Variants in TMEM38B observed in about 807,000 individuals in gnomAD.
TMEM38B encodes the protein transmembrane protein 38B.
Under a neutral mutation model 28.7 loss-of-function variants are expected in TMEM38B, and 24 were observed. That is an observed-to-expected ratio of 0.84 (90% CI 0.61 to 1.18). The LOEUF is 1.18. Among genes scored for constraint, TMEM38B ranks in the 50% most tolerant of loss-of-function variants. TMEM38B has a pLI of 0.00. For missense variants in TMEM38B, 380 were observed against 350.9 expected (o/e 1.08, Z -0.66); for synonymous variants, 131 against 127.7 (o/e 1.03, Z -0.17).
intron 4 of TMEM38B, among the ~76,000 whole-genome samples, chr9:105,724,421 G>A (rs1836432625): frequency 6.6e-6 from 1 of 151,894 alleles, no homozygotes; most frequent in Non-Finnish European, 1.5e-5. Flanking sequence ...TCAGGAGTTC[G>A]ACACGAGCCT....
rs529454038 is a variant in TMEM38B at position 105,760,309 on chromosome 9, A to C, written c.660+12119A>C. ...CTGTGCTGAAAAAGTGGATCTTGAT[A>C]AGCTTCTGGCTGGAAGATTAGTTTC... is the stretch of plus-strand genomic sequence containing the variant. On this transcript the variant is annotated intron_variant, in intron 5 of 5. Coordinates refer to ENST00000374692, the MANE Select transcript of TMEM38B (RefSeq NM_018112.3). The C allele has an allele frequency of 2.7e-4, 211 of 778,272 alleles. 2 individuals carry two copies. In the African/African-American group the frequency reaches 3.2e-3, roughly 12 times the overall value. 48.2% of individuals were successfully genotyped at this position (778,272 alleles called of 1,614,324 possible).
intron 4 of TMEM38B, among the ~76,000 whole-genome samples, chr9:105,728,432 T>A (rs1053368588): frequency 6.6e-6 from 1 of 152,246 alleles, no homozygotes; most frequent in Non-Finnish European, 1.5e-5. Context: ...TCATCCTTTT[T>A]TATGGCTGCA....
At chr9:105,760,630 C>A in intron 5 of TMEM38B, 1 of 804,636 alleles carries the variant, frequency 1.2e-6, no homozygotes, top group Non-Finnish European at 2.2e-6. Context: ...GAAGGAATAC[C>A]CCTTGATATA....
In TMEM38B at chr9:105,694,576, G is replaced by T. The variant is rs534908078; in HGVS notation, c.-85G>T. On this transcript the variant is annotated 5_prime_UTR_variant, in exon 1 of 6. Coordinates refer to ENST00000374692, the MANE Select transcript of TMEM38B (RefSeq NM_018112.3). The stretch of plus-strand genomic sequence containing the variant: ...CCGGCGCGGAGGAGCGGGCGGCCGC[G>T]GCTGTGCCCTCTCCTACTCCTCACC... 2 of 1,032,276 alleles carry T rather than the reference G, an allele frequency of 1.9e-6. No homozygotes were observed. Among genetic ancestry groups the T allele is most frequent in the Admixed American group, 4.8e-5 (2 of 41,412 alleles). The allele number at this position is 1,032,276 out of a possible 1,614,324, so 63.9% of individuals were successfully genotyped here. A position where few individuals can be genotyped will look rare whatever the true frequency, so the allele number is the denominator to read the frequency against.
intron 5 of TMEM38B, among the ~76,000 whole-genome samples, chr9:105,754,333 A>G (rs1837760086): frequency 6.6e-6 from 1 of 152,254 alleles, no homozygotes; most frequent in Non-Finnish European, 1.5e-5. Context: ...CAGAATGTAC[A>G]TTCTTCTCAT....
intron 2 of TMEM38B, among the ~76,000 whole-genome samples, chr9:105,715,367 C>G (rs899934263): frequency 5.0e-4 from 76 of 151,790 alleles, no homozygotes; most frequent in African/African-American, 1.7e-3. Flanking sequence ...CATTAAGGTC[C>G]AGTCATTTAA....
chr9:105,717,284 T>C (rs1206919564), intron 2 of TMEM38B, among the ~76,000 whole-genome samples: 1 of 152,108 alleles, frequency 6.6e-6, no homozygotes, highest in African/African-American at 2.4e-5. Flanking sequence ...AAAATGCTCA[T>C]CCACAGAAGA....
At chr9:105,767,723 C>T (rs552246216) in intron 5 of TMEM38B, among the ~76,000 whole-genome samples, 5 of 152,046 alleles carry the variant, frequency 3.3e-5, no homozygotes, top group Non-Finnish European at 7.4e-5. Flanking sequence ...TTTCAAATTT[C>T]AATTTGGAAT....
intron 1 of TMEM38B, among the ~76,000 whole-genome samples, chr9:105,697,415 G>T (rs1293143448): frequency 6.6e-6 from 1 of 152,170 alleles, no homozygotes; most frequent in Non-Finnish European, 1.5e-5. Flanking sequence ...CCTTTTACCC[G>T]AAGTGTGTTA....
intron 4 of TMEM38B, among the ~76,000 whole-genome samples, chr9:105,742,156 G>A (rs1380975707): frequency 6.6e-6 from 1 of 152,188 alleles, no homozygotes; most frequent in Non-Finnish European, 1.5e-5. Flanking sequence ...AATTCTGCAT[G>A]CCAGAATCAG....
intron 4 of TMEM38B, among the ~76,000 whole-genome samples, chr9:105,747,174 T>A (rs946542716): frequency 6.6e-6 from 1 of 152,224 alleles, no homozygotes; most frequent in Non-Finnish European, 1.5e-5. Flanking sequence ...CTTGTACCTC[T>A]GGTAGAATTT....
At chr9:105,720,077 A>T (rs1030996668) in intron 2 of TMEM38B, among the ~76,000 whole-genome samples, 6 of 152,108 alleles carry the variant, frequency 3.9e-5, no homozygotes, top group Non-Finnish European at 7.4e-5. Context: ...CTTATAGAAC[A>T]TGTACAATTT....
intron 2 of TMEM38B, among the ~76,000 whole-genome samples, chr9:105,711,014 A>T (rs1476152959): frequency 1.3e-5 from 2 of 152,134 alleles, no homozygotes; most frequent in African/African-American, 4.8e-5. Flanking sequence ...TAAATGCAAA[A>T]TTTCAAGTAA....
intron 2 of TMEM38B, among the ~76,000 whole-genome samples, chr9:105,715,264 G>T (rs1189804695): frequency 6.6e-6 from 1 of 151,610 alleles, no homozygotes; most frequent in African/African-American, 2.4e-5. Flanking sequence ...ATTTTCTTCT[G>T]GCTTAAAGCA....
chr9:105,715,230 C>T (rs755876970), intron 2 of TMEM38B, among the ~76,000 whole-genome samples: 2 of 152,218 alleles, frequency 1.3e-5, no homozygotes, highest in Admixed American at 6.5e-5. Flanking sequence ...CTATTTTACA[C>T]TGTCATTTTA....
At chr9:105,733,251 T>G (rs1836832594) in intron 4 of TMEM38B, among the ~76,000 whole-genome samples, 1 of 152,130 alleles carries the variant, frequency 6.6e-6, no homozygotes, top group African/African-American at 2.4e-5. Context: ...CTATTAGGTC[T>G]GCTCAGCTCT....
At chr9:105,770,556 A>G (rs1007217813) in intron 5 of TMEM38B, among the ~76,000 whole-genome samples, 30 of 152,260 alleles carry the variant, frequency 2.0e-4, no homozygotes, top group African/African-American at 7.2e-4. Flanking sequence ...TTACATTTGT[A>G]AAAATGTAAA....
At chr9:105,768,479 G>A (rs971502911) in intron 5 of TMEM38B, among the ~76,000 whole-genome samples, 2 of 151,946 alleles carry the variant, frequency 1.3e-5, no homozygotes, top group African/African-American at 4.8e-5. Context: ...AGTTTATGTA[G>A]GTTTGATATT....
At chr9:105,759,475 A>G in intron 5 of TMEM38B, 2 of 1,577,540 alleles carry the variant, frequency 1.3e-6, no homozygotes, top group Non-Finnish European at 1.7e-6. Flanking sequence ...TTTAAGAAAC[A>G]GAGGAGTGAG....
Sources: gnomAD v4.1 joint callset for allele counts (sites outside exome capture counted in the v4.1 genomes callset) on GRCh38, gnomAD v4.1.1 for gene constraint, MANE v1.5 for transcripts, NCBI Gene and HGNC (gene_info 2026-07-23, HGNC 2026-07-21) for gene names.